Variants in RNFT1 observed in about 807,000 individuals in gnomAD.
The protein encoded by RNFT1 is E3 ubiquitin-protein ligase RNFT1.
RNFT1 carries 35 observed loss-of-function variants against 53.2 expected under a neutral mutation model. The observed-to-expected ratio is 0.66, with a 90% CI of 0.50 to 0.87. The LOEUF (loss-of-function observed/expected upper bound fraction) is 0.87. Ranked by LOEUF, RNFT1 falls within the 40% of genes least tolerant of loss-of-function variation. RNFT1 has a pLI of 0.00. For synonymous variants in RNFT1, 141 were observed against 172.8 expected, an observed-to-expected ratio of 0.82 and a Z score of 1.44; for missense variants, 421 against 515.0, an observed-to-expected ratio of 0.82 and a Z score of 1.77.
At chr17:59,953,229 T>G (rs532254134) in intron 8 of RNFT1, 118 bp from the exon 9 acceptor site, 2 of 816,612 alleles carry the variant, frequency 2.4e-6, no homozygotes, top group South Asian at 2.0e-5. Context: ...GAAGTCTTGC[T>G]CTGTCACCCA....
intron 3 of RNFT1, among the ~76,000 whole-genome samples, chr17:59,960,473 T>TAA (rs1204402063): frequency 1.3e-3 from 149 of 118,766 alleles, no homozygotes; most frequent in African/African-American, 4.3e-3. Flanking sequence ...TAAATTAAAT[T>TAA]AAAAAAAAAA....
chr17:59,958,468 T>A, intron 4 of RNFT1, 24 bp from the exon 5 acceptor site: 1 of 1,511,986 alleles, frequency 6.6e-7, no homozygotes, highest in Non-Finnish European at 8.9e-7. Flanking sequence ...AACATCAAAA[T>A]TTATCAGAGC....
At chr17:59,958,929 G>A (rs983642565) in intron 4 of RNFT1, among the ~76,000 whole-genome samples, 1 of 151,876 alleles carries the variant, frequency 6.6e-6, no homozygotes, top group African/African-American at 2.4e-5. Flanking sequence ...TTCACTGCTG[G>A]TTTCTTCTTA....
chr17:59,953,192 T>C, intron 8 of RNFT1, 81 bp from the exon 9 acceptor site: 1 of 307,070 alleles, frequency 3.3e-6, no homozygotes. Context: ...AAGGGATTCT[T>C]TTTTTTTTTT....
At position 59,963,204 on chromosome 17, in the gene RNFT1, T is replaced by G; in HGVS notation, c.137A>C (p.His46Pro). ...RAMQANRSQLHSPPGTGSSED... is the reference protein window; with the variant it reads ...RAMQANRSQLPSPPGTGSSED... ...ACTGCTTCCAGTTCCTGGAGGACTG[T>G]GCAGTTGGCTACGATTGGCTTGCAT... The change falls in exon 2 of 9, where the codon CAC becomes CCC. Residue 46 changes from histidine to proline, a missense_variant. Transcript: ENST00000305783. The G allele has an allele frequency of 1.2e-6, 2 of 1,614,182 alleles. No individual in the cohort carries two copies. Among genetic ancestry groups the G allele is most frequent in the South Asian group, 2.2e-5 (2 of 91,090 alleles).
intron 4 of RNFT1, 67 bp downstream of exon 4, chr17:59,960,001 G>T: frequency 6.8e-7 from 1 of 1,465,202 alleles, no homozygotes; most frequent in Non-Finnish European, 9.3e-7. Flanking sequence ...TGTGAAGTAA[G>T]ATACAAAGTG....
rs190366614 is a variant in RNFT1, at chr17:59,956,352, G to A, written c.1071+136C>T. The A allele has an allele frequency of 2.5e-4, 161 of 653,886 alleles. 1 individual carries two copies. In the African/African-American group the frequency reaches 2.9e-3, roughly 12 times the overall value. 40.5% of individuals were successfully genotyped at this position (653,886 alleles called of 1,614,324 possible). On this transcript the variant is annotated intron_variant, in intron 7 of 8. Coordinates refer to ENST00000305783, the MANE Select transcript of RNFT1 (RefSeq NM_016125.4). ...AATTATTATAGCCCCAAGTGCCAAA[G>A]TACTAGAAAATAATCAAAGTAAAAG...
In RNFT1 at chr17:59,960,102, A is replaced by G. The variant is rs757406435; in HGVS notation, c.658T>C (p.Tyr220His). ...VFLAGSSVLL[Y>H]YTFHSQSLYY... ...AGTGACTGAGAATGAAAGGTGTAAT[A>G]TAAAAGAACAGAAGATCCTGCTAAG... is the stretch of plus-strand genomic sequence containing the variant. The change falls in exon 4 of 9, where the codon TAT becomes CAT. Residue 220 changes from tyrosine to histidine, a missense_variant. Transcript: ENST00000305783. 5 of 1,609,636 alleles carry G rather than the reference A, an allele frequency of 3.1e-6. No individual in the cohort carries two copies. Among genetic ancestry groups the G allele is most frequent in the Non-Finnish European group, 4.2e-6 (5 of 1,178,510 alleles).
chr17:59,958,001 T>C (rs565221380), intron 5 of RNFT1, among the ~76,000 whole-genome samples: 7 of 152,322 alleles, frequency 4.6e-5, no homozygotes, highest in South Asian at 2.1e-4. Context: ...CAACTGTCAA[T>C]TGATAATGCC....
chr17:59,957,325 T>G lies in RNFT1; in HGVS notation c.904A>C (p.Ile302Leu), dbSNP rs1039688609. 2 of 1,613,972 alleles carry G rather than the reference T, an allele frequency of 1.2e-6. No homozygotes were observed. The highest frequency in any genetic ancestry group is 1.7e-6 in the Non-Finnish European group (2 of 1,179,950). ...ATAAGGTAGCGAAACCAAACTGGTATGGGAACAAAAGTTCGGTAGTATTGA... is the reference window on the plus strand; with the variant it reads ...ATAAGGTAGCGAAACCAAACTGGTAGGGGAACAAAAGTTCGGTAGTATTGA... ...LCQYYRTFVP[I>L]PVWFRYLISY... The change falls in exon 6 of 9, where the codon ATA becomes CTA. Residue 302 changes from isoleucine to leucine, a missense_variant. Transcript: ENST00000305783.
chr17:59,958,194 G>A, intron 5 of RNFT1, 97 bp downstream of exon 5: 3 of 1,304,008 alleles, frequency 2.3e-6, no homozygotes, highest in South Asian at 1.5e-5. Flanking sequence ...TTAGCAAACT[G>A]AAAAACTGCA....
chr17:59,953,205 T>C, intron 8 of RNFT1, 94 bp from the exon 9 acceptor site: 1 of 935,996 alleles, frequency 1.1e-6, no homozygotes, highest in Non-Finnish European at 1.5e-6. Flanking sequence ...TTTTTTTTTT[T>C]TGAGATGGAG....
Position 59,964,688 on chromosome 17 carries a change from G to T in RNFT1, c.-25C>A. 1.3e-6 allele frequency: 2 copies of T among 1,589,580 alleles called. No homozygotes were observed. Among genetic ancestry groups the T allele is most frequent in the Non-Finnish European group, 1.7e-6 (2 of 1,168,154 alleles). Reference sequence around the variant, plus strand: ...TACACCGCCTCCAGCCCTTCAGTCGGGGCCATCAACCGCAAACCCCGCAAG... The same window carrying T: ...TACACCGCCTCCAGCCCTTCAGTCGTGGCCATCAACCGCAAACCCCGCAAG... On this transcript the variant is annotated 5_prime_UTR_variant, in exon 1 of 9. Coordinates refer to ENST00000305783, the MANE Select transcript of RNFT1 (RefSeq NM_016125.4).
Position 59,953,028 on chromosome 17 carries a change from A to G in RNFT1, c.1257T>C (p.His419=), listed in dbSNP as rs576628440. 2 of 1,613,502 alleles carry G rather than the reference A, an allele frequency of 1.2e-6. No individual in the cohort carries two copies. Among genetic ancestry groups the G allele is most frequent in the Admixed American group, 1.7e-5 (1 of 60,008 alleles). Residue 419 remains histidine, a synonymous_variant, in exon 9 of 9, where the codon CAT becomes CAC. Coordinates refer to ENST00000305783, the MANE Select transcript of RNFT1 (RefSeq NM_016125.4). ...CPLCRTVISD[H]INKWKDGATS... is the part of the protein sequence containing the mutation. ...TGGCTCCATCCTTCCATTTGTTTAT[A>G]TGGTCTGAAATCACAGTTCTGCAGA...
Position 59,964,731 on chromosome 17 carries a change from C to T in RNFT1, c.-68G>A. ...CCCGCAAGCTCTTCTCTCAGCCCGG[C>T]GGCAACGGCGGCGGCGCGCGCGCTC... On this transcript the variant is annotated 5_prime_UTR_variant, in exon 1 of 9. Transcript: ENST00000305783. The T allele has an allele frequency of 1.4e-6, 2 of 1,467,766 alleles. No individual in the cohort carries two copies. Among genetic ancestry groups the T allele is most frequent in the Non-Finnish European group, 9.1e-7 (1 of 1,098,762 alleles). 90.9% of individuals were successfully genotyped at this position (1,467,766 alleles called of 1,614,324 possible). A position where few individuals can be genotyped will look rare whatever the true frequency, so the allele number is the denominator to read the frequency against.
Position 59,952,791 on chromosome 17 carries a change from T to TTA in RNFT1, c.*184_*185dup. On this transcript the variant is annotated 3_prime_UTR_variant, in exon 9 of 9. Transcript: ENST00000305783. Reference sequence around the variant, plus strand: ...TGTTGCATATACATTAGGTTGAACATTATATATATTTTAAAACACAGGGTG... The same window carrying TTA: ...TGTTGCATATACATTAGGTTGAACATTATATATATATTTTAAAACACAGGGTG... The TTA allele has an allele frequency of 2.0e-6, 1 of 505,634 alleles. No homozygotes were observed. Among genetic ancestry groups the TTA allele is most frequent in the East Asian group, 3.1e-5 (1 of 32,392 alleles). 31.3% of individuals were successfully genotyped at this position (505,634 alleles called of 1,614,324 possible). A position where few individuals can be genotyped will look rare whatever the true frequency, so the allele number is the denominator to read the frequency against.
intron 5 of RNFT1, among the ~76,000 whole-genome samples, chr17:59,957,711 G>C (rs530350924): frequency 7.2e-5 from 11 of 152,110 alleles, no homozygotes; most frequent in African/African-American, 2.4e-4. Flanking sequence ...TGGGTGTGGT[G>C]GTGGGCACCT....
chr17:59,956,563 GAAAT>G lies in RNFT1; in HGVS notation c.1006-14_1006-11del. 1 of 1,606,432 alleles carries G rather than the reference GAAAT, an allele frequency of 6.2e-7. No individual in the cohort carries two copies. Among genetic ancestry groups the G allele is most frequent in the Non-Finnish European group, 8.5e-7 (1 of 1,174,312 alleles). On this transcript the variant is annotated splice_polypyrimidine_tract_variant and intron_variant, in intron 6 of 8. Coordinates refer to ENST00000305783, the MANE Select transcript of RNFT1 (RefSeq NM_016125.4). ...CAAAAAATTCCAAAAGCTGAAAAGA[GAAAT>G]AAGAGATCATTTATTAATTCAAACA... is the stretch of plus-strand genomic sequence containing the variant.
intron 2 of RNFT1, 97 bp from the exon 3 acceptor site, chr17:59,962,713 T>C (rs2045303557): frequency 6.1e-6 from 8 of 1,316,170 alleles, no homozygotes; most frequent in East Asian, 2.3e-5. Flanking sequence ...ACATATACAA[T>C]AATAAAAGCT....
Sources: gnomAD v4.1 joint callset for allele counts (sites outside exome capture counted in the v4.1 genomes callset) on GRCh38, gnomAD v4.1.1 for gene constraint, MANE v1.5 for transcripts, NCBI Gene and HGNC (gene_info 2026-07-23, HGNC 2026-07-21) for gene names.